The following FUT8 variants were observed in gnomAD, a reference collection of about 807,000 sequenced individuals.
FUT8 encodes alpha-(1,6)-fucosyltransferase.
Under a neutral mutation model 71.3 loss-of-function variants are expected in FUT8, and 29 were observed. That is an observed-to-expected ratio of 0.41 (90% CI 0.30 to 0.55). The LOEUF (loss-of-function observed/expected upper bound fraction) is 0.55, where lower values mean the gene tolerates loss of function less well. Among genes scored for constraint, FUT8 ranks in the 20% least tolerant of loss-of-function variants. The probability of loss-of-function intolerance (pLI) is 0.34; values close to 1 mark genes in which losing one functional copy is unlikely to be tolerated. For synonymous variants in FUT8, 254 were observed against 239.3 expected (o/e 1.06, Z -0.57); for missense variants, 544 against 702.1 (o/e 0.77, Z 2.55).
intron 3 of FUT8, among the ~76,000 whole-genome samples, chr14:65,579,513 A>G (rs1886963920): frequency 6.6e-6 from 1 of 152,178 alleles, no homozygotes; most frequent in African/African-American, 2.4e-5. Flanking sequence ...TCTTATAAAT[A>G]AGTAGAAATG....
intron 7 of FUT8, among the ~76,000 whole-genome samples, chr14:65,712,777 A>C (rs1894869188): frequency 6.6e-6 from 1 of 152,098 alleles, no homozygotes; most frequent in Non-Finnish European, 1.5e-5. Flanking sequence ...ATTTTTGAAA[A>C]AATTCTGTGG....
chr14:65,703,479 T>C (rs1280064304), intron 7 of FUT8, among the ~76,000 whole-genome samples: 1 of 152,246 alleles, frequency 6.6e-6, no homozygotes, highest in Non-Finnish European at 1.5e-5. Flanking sequence ...CACCAGAAGC[T>C]ATAGATTGTA....
intron 6 of FUT8, among the ~76,000 whole-genome samples, chr14:65,658,854 C>T (rs1175120606): frequency 1.3e-5 from 2 of 151,764 alleles, no homozygotes; most frequent in Non-Finnish European, 2.9e-5. Context: ...TGAGTGTATA[C>T]GTATTATAAA....
At chr14:65,374,020 C>T in the FUT8 span, among the ~76,000 whole-genome samples, 2 of 152,192 alleles carry the variant, frequency 1.3e-5, no homozygotes, top group Admixed American at 1.3e-4. Flanking sequence ...TCAGGCCTGC[C>T]CAGCACTCCC....
intron 3 of FUT8, among the ~76,000 whole-genome samples, chr14:65,565,861 A>G (rs902294381): frequency 1.3e-5 from 2 of 151,992 alleles, no homozygotes; most frequent in African/African-American, 4.8e-5. Flanking sequence ...ATTTTAAAAA[A>G]TCAAACTGTT....
intron 2 of FUT8, among the ~76,000 whole-genome samples, chr14:65,510,430 A>G (rs1882258118): frequency 6.6e-6 from 1 of 152,168 alleles, no homozygotes; most frequent in African/African-American, 2.4e-5. Context: ...TACTAGGGTA[A>G]TACTGGCCTT....
chr14:65,684,234 C>T (rs1893170723), intron 7 of FUT8, among the ~76,000 whole-genome samples: 1 of 151,936 alleles, frequency 6.6e-6, no homozygotes, highest in Non-Finnish European at 1.5e-5. Context: ...GTGGAATTAT[C>T]TATGTAATTG....
At chr14:65,596,548 T>C (rs1195578355) in intron 3 of FUT8, among the ~76,000 whole-genome samples, 1 of 152,218 alleles carries the variant, frequency 6.6e-6, no homozygotes, top group Non-Finnish European at 1.5e-5. Context: ...CCATCTTTCT[T>C]TCATTCTTCA....
At chr14:65,471,166 T>C (rs529523716) in intron 2 of FUT8, 2 of 273,064 alleles carry the variant, frequency 7.3e-6, no homozygotes, top group Non-Finnish European at 1.5e-5. Context: ...TATAGAACTT[T>C]CCCCCTCATC....
intron 7 of FUT8, among the ~76,000 whole-genome samples, chr14:65,718,973 A>T (rs1051728227): frequency 3.9e-5 from 6 of 152,160 alleles, no homozygotes; most frequent in Non-Finnish European, 8.8e-5. Flanking sequence ...GTTGATGTAT[A>T]ACTTTCTTGT....
rs2066357408 is a variant in FUT8, at chr14:65,483,157, T to G, written c.-228+27439T>G. Among the ~76,000 whole-genome samples, 2 of 152,222 alleles carry G rather than the reference T, an allele frequency of 1.3e-5. No individual in the cohort carries two copies. Among genetic ancestry groups the G allele is most frequent in the South Asian group, 4.1e-4 (2 of 4,832 alleles). On this transcript the variant is annotated intron_variant, in intron 2 of 10. Transcript: ENST00000673929. This position sits in a 1 kb window ranked among gnomAD's most constrained non-coding sequence, Gnocchi z 4.4. ...TTCTGGCAAGTTCCACAAGGTAGACTTCCAGTAAGTTCTGCTGGTGCAGCA... is the reference window on the plus strand; with the variant it reads ...TTCTGGCAAGTTCCACAAGGTAGACGTCCAGTAAGTTCTGCTGGTGCAGCA...
chr14:65,571,085 G>A (rs1288418505), intron 3 of FUT8, among the ~76,000 whole-genome samples: 1 of 152,108 alleles, frequency 6.6e-6, no homozygotes, highest in African/African-American at 2.4e-5. Flanking sequence ...TGAATCTGCT[G>A]TGATTCTGGG....
intron 7 of FUT8, among the ~76,000 whole-genome samples, chr14:65,718,373 TC>T (rs1225685795): frequency 2.0e-5 from 3 of 152,202 alleles, no homozygotes; most frequent in African/African-American, 7.2e-5. Context: ...CTGTACTTTG[TC>T]CCCCCAACTT....
At chr14:65,656,654 C>CA (rs1371632689) in intron 6 of FUT8, among the ~76,000 whole-genome samples, 1 of 151,972 alleles carries the variant, frequency 6.6e-6, no homozygotes, top group African/African-American at 2.4e-5. Flanking sequence ...CATGGAATCA[C>CA]AAAAAAACCA....
At chr14:65,525,401 G>A (rs561811622) in intron 2 of FUT8, among the ~76,000 whole-genome samples, 1 of 152,098 alleles carries the variant, frequency 6.6e-6, no homozygotes. Flanking sequence ...TGTGGGATTG[G>A]TGATGATATC....
intron 7 of FUT8, among the ~76,000 whole-genome samples, chr14:65,694,539 C>T (rs1411259159): frequency 6.6e-6 from 1 of 152,132 alleles, no homozygotes; most frequent in African/African-American, 2.4e-5. Flanking sequence ...CATCCCATTA[C>T]TGGGTATATA....
At chr14:65,648,057 AC>A (rs1350759707) in intron 6 of FUT8, among the ~76,000 whole-genome samples, 4 of 152,126 alleles carry the variant, frequency 2.6e-5, no homozygotes. Context: ...GCAAACTACC[AC>A]CCTTAGGCCA....
At chr14:65,371,543 A>T in the FUT8 span, among the ~76,000 whole-genome samples, 83 of 152,336 alleles carry the variant, frequency 5.4e-4, no homozygotes, top group South Asian at 0.017. Context: ...TTTCATAATA[A>T]ATAAGTAATT....
At position 65,548,763 on chromosome 14, in the gene FUT8, C is replaced by T. The variant is rs8012272; in HGVS notation, c.-227-12574C>T. Among the ~76,000 whole-genome samples the T allele has an allele frequency of 6.9e-3, 1,045 of 151,776 alleles. 13 individuals carry two copies. Among genetic ancestry groups the T allele is most frequent in the African/African-American group, 0.024 (1,008 of 41,398 alleles). ...AAAAATTTAAAAATTTTGCTGTGTG[C>T]AAGATACTGTTAAAAGAATAAAAAG... On this transcript the variant is annotated intron_variant, in intron 2 of 10. Transcript: ENST00000673929.
Sources: allele counts gnomAD v4.1 joint callset (sites outside exome capture counted in the v4.1 genomes callset), GRCh38; gene constraint gnomAD v4.1.1; non-coding constraint Gnocchi (gnomAD v3.1); transcripts MANE v1.5; gene names NCBI Gene and HGNC (gene_info 2026-07-23, HGNC 2026-07-21).